The following LATS2 variants were observed in gnomAD, a reference collection of about 807,000 sequenced individuals.
LATS2 encodes the protein large tumor suppressor kinase 2, also known as serine/threonine-protein kinase LATS2.
Under a neutral mutation model 76.0 loss-of-function variants are expected in LATS2, and 24 were observed. The ratio of observed to expected loss-of-function variants is 0.32; its 90% CI spans 0.23 to 0.44. The LOEUF (loss-of-function observed/expected upper bound fraction) is 0.44, where lower values mean the gene tolerates loss of function less well. LATS2 is among the 20% of genes least tolerant of loss of function. The pLI is 1.00. For missense variants in LATS2, 1,286 were observed against 1,481.2 expected (o/e 0.87, Z 2.16); for synonymous variants, 692 against 635.4 (o/e 1.09, Z -1.34).
At chr13:21,028,711 C>G (rs756933412) in intron 2 of LATS2, among the ~76,000 whole-genome samples, 3 of 152,188 alleles carry the variant, frequency 2.0e-5, no homozygotes, top group African/African-American at 4.8e-5. Flanking sequence ...GCTGGGATTA[C>G]AGGCATGCAC....
In LATS2 at chr13:21,046,102, T is replaced by A; in HGVS notation, c.-76A>T. The A allele has an allele frequency of 4.1e-6, 4 of 969,378 alleles. No individual in the cohort carries two copies. Among genetic ancestry groups the A allele is most frequent in the Non-Finnish European group, 6.1e-6 (4 of 654,558 alleles). 60.0% of individuals were successfully genotyped at this position (969,378 alleles called of 1,614,324 possible). ...ATTATTTAAAAAAAAAAACTGTCAA[T>A]AGTATCAGTTTGTTGTAAACATACT... On this transcript the variant is annotated 5_prime_UTR_variant, in exon 2 of 8. Transcript: ENST00000382592.
chr13:20,988,991 T>C lies in LATS2; in HGVS notation c.789A>G (p.Glu263=). ...YGRPHLLVPG[E]PLGYGVQRSP... ...TGCGCTGCACTCCGTAGCCCAGGGG[T>C]TCCCCAGGCACCAGCAGGTGCGGCC... is the stretch of plus-strand genomic sequence containing the variant. Residue 263 remains glutamate, a synonymous_variant, in exon 4 of 8, where the codon GAA becomes GAG. Transcript: ENST00000382592. 5 of 1,544,514 alleles carry C rather than the reference T, an allele frequency of 3.2e-6. No homozygotes were observed. The highest frequency in any genetic ancestry group is 4.3e-6 in the Non-Finnish European group (5 of 1,151,278).
At chr13:20,987,577 G>A (rs887693464) in intron 4 of LATS2, among the ~76,000 whole-genome samples, 2 of 152,084 alleles carry the variant, frequency 1.3e-5, no homozygotes, top group African/African-American at 2.4e-5. Context: ...GTTAAGCGAG[G>A]ACATACCCTA....
chr13:21,035,046 CAT>C (rs71706989), intron 2 of LATS2, among the ~76,000 whole-genome samples: 8,099 of 152,156 alleles, frequency 0.053, 320 homozygotes, highest in Non-Finnish European at 0.087. Flanking sequence ...GCCCGAGAAA[CAT>C]AGCAAGACTC....
chr13:21,020,820 C>G (rs537668794), intron 2 of LATS2, among the ~76,000 whole-genome samples: 2 of 152,336 alleles, frequency 1.3e-5, no homozygotes, highest in African/African-American at 4.8e-5. Flanking sequence ...AAAGGCACCT[C>G]CATCCCTGCT....
In LATS2 at chr13:21,006,876, G is replaced by A. The variant is rs1455075123; in HGVS notation, c.343-15472C>T. Among the ~76,000 whole-genome samples, 8 of 152,204 alleles carry A rather than the reference G, an allele frequency of 5.3e-5. No individual in the cohort carries two copies. In the East Asian group the frequency reaches 9.6e-4, roughly 18 times the overall value. On this transcript the variant is annotated intron_variant, in intron 2 of 7. Coordinates refer to ENST00000382592, the MANE Select transcript of LATS2 (RefSeq NM_014572.3). ...TCGCTCTGCTGGGGACAGGCAGCCC[G>A]TGAGTGCCCAGGGAAAGGGACATTT...
At chr13:21,021,474 C>CCA (rs1273299599) in intron 2 of LATS2, among the ~76,000 whole-genome samples, 3 of 48,372 alleles carry the variant, frequency 6.2e-5, no homozygotes, top group African/African-American at 2.1e-4. Context: ...GACTCTGTCT[C>CCA]AAAAAAAAAA....
chr13:21,010,915 T>C (rs914939961), intron 2 of LATS2, among the ~76,000 whole-genome samples: 4 of 152,260 alleles, frequency 2.6e-5, no homozygotes, highest in African/African-American at 9.6e-5. Flanking sequence ...AGTGAGAACA[T>C]GGACAGAAAC....
intron 2 of LATS2, among the ~76,000 whole-genome samples, chr13:21,002,251 T>C (rs1237702893): frequency 6.6e-6 from 1 of 152,118 alleles, no homozygotes; most frequent in African/African-American, 2.4e-5. Context: ...AATTCTGGGA[T>C]GGTCTAAGAT....
At chr13:21,053,181 G>C (rs1322319575) in intron 1 of LATS2, among the ~76,000 whole-genome samples, 2 of 140,954 alleles carry the variant, frequency 1.4e-5, no homozygotes, top group Non-Finnish European at 3.0e-5. Context: ...GATGCAGTGA[G>C]CCGAGAACAT....
intron 2 of LATS2, among the ~76,000 whole-genome samples, chr13:21,019,493 ATT>A (rs67762203): frequency 7.5e-6 from 1 of 132,640 alleles, no homozygotes; most frequent in Non-Finnish European, 1.6e-5. Flanking sequence ...CGCCCAGCTA[ATT>A]TTTTTTTTTT....
chr13:20,994,879 A>G (rs1262997496), intron 2 of LATS2, among the ~76,000 whole-genome samples: 1 of 152,022 alleles, frequency 6.6e-6, no homozygotes, highest in Non-Finnish European at 1.5e-5. Flanking sequence ...AGAATAAAAT[A>G]TTTTTTAAAA....
chr13:21,029,778 G>A (rs1322318359), intron 2 of LATS2, among the ~76,000 whole-genome samples: 6 of 152,076 alleles, frequency 3.9e-5, no homozygotes, highest in African/African-American at 1.2e-4. Context: ...GCAACAGAGC[G>A]ACACTCTGTC....
At chr13:21,007,620 T>G (rs1296584928) in intron 2 of LATS2, among the ~76,000 whole-genome samples, 2 of 598 alleles carry the variant, frequency 3.3e-3, no homozygotes, top group African/African-American at 3.6e-3. Context: ...TATATATATA[T>G]AGTGTATATA....
chr13:20,987,362 G>A (rs1870203574), intron 4 of LATS2, among the ~76,000 whole-genome samples: 1 of 152,088 alleles, frequency 6.6e-6, no homozygotes, highest in Non-Finnish European at 1.5e-5. Flanking sequence ...AATTTAAATA[G>A]TTTCATCAAT....
chr13:21,045,831 C>G lies in LATS2; in HGVS notation c.196G>C (p.Ala66Pro). 1 of 1,614,218 alleles carries G rather than the reference C, an allele frequency of 6.2e-7. No individual in the cohort carries two copies. Among genetic ancestry groups the G allele is most frequent in the Non-Finnish European group, 8.5e-7 (1 of 1,180,042 alleles). Residue 66 changes from alanine to proline, a missense_variant, in exon 2 of 8, where the codon GCC becomes CCC. Physicochemically the swap from Ala to Pro is conservative, Grantham distance 27. Around this residue, in one of 5 missense-constraint regions of LATS2, gnomAD observed 101 missense variants for 141.4 expected, o/e 0.71. Transcript: ENST00000382592. ...DATRQQQQMR[A>P]TPKFGPYQKA... ...TGATAAGGTCCGAACTTTGGGGTGG[C>G]TCTCATCTGCTGCTGCTGCCTGGTG...
In LATS2 at chr13:20,975,296, G is replaced by A. The variant is rs926445704; in HGVS notation, c.2841C>T (p.Leu947=). The A allele has an allele frequency of 1.4e-5, 23 of 1,611,966 alleles. No individual in the cohort carries two copies. The African/African-American group carries it at 2.0e-4, about 14-fold the overall frequency. The change falls in exon 8 of 8, where the codon CTC becomes CTT. Residue 947 remains leucine (L), a synonymous_variant. Transcript: ENST00000382592. ...QVKLSPEARD[L]ITKLCCSADH... ...CTGCGGAGCAGCACAGCTTGGTGAT[G>A]AGGTCCCTGGCCTCAGGGCTCAGCT...
intron 2 of LATS2, among the ~76,000 whole-genome samples, chr13:21,007,092 TG>T (rs1279836519): frequency 6.6e-6 from 1 of 152,206 alleles, no homozygotes; most frequent in Non-Finnish European, 1.5e-5. Flanking sequence ...TTATGAAGTA[TG>T]GTAGCAAAAA....
intron 2 of LATS2, among the ~76,000 whole-genome samples, chr13:21,025,306 C>T (rs1386750910): frequency 1.3e-5 from 2 of 150,332 alleles, no homozygotes; most frequent in Non-Finnish European, 3.0e-5. Flanking sequence ...GCAGGAGAAT[C>T]GCTTGAACCC....
Sources: gnomAD v4.1 joint callset for allele counts (sites outside exome capture counted in the v4.1 genomes callset) on GRCh38, gnomAD v4.1.1 for gene constraint, gnomAD v4.1.1 regional missense constraint, MANE v1.5 for transcripts, NCBI Gene and HGNC (gene_info 2026-07-23, HGNC 2026-07-21) for gene names.